Variants in SRGAP3 observed in about 807,000 individuals in gnomAD.
The protein encoded by SRGAP3 is SLIT-ROBO Rho GTPase activating protein 3.
Under a neutral mutation model 121.1 loss-of-function variants are expected in SRGAP3, and 39 were observed. That is an observed-to-expected ratio of 0.32 (90% CI 0.25 to 0.42). SRGAP3 has a LOEUF of 0.42. Ranked by LOEUF, SRGAP3 falls within the 10% of genes least tolerant of loss-of-function variation. The pLI, the probability that SRGAP3 is intolerant of heterozygous loss-of-function variation, is 1.00. For synonymous variants in SRGAP3, 601 were observed against 570.0 expected (o/e 1.05, Z -0.77); for missense variants, 1,213 against 1,470.6 (o/e 0.82, Z 2.86).
chr3:9,302,758 G>A (rs1955085707), intron 3 of SRGAP3, among the ~76,000 whole-genome samples: 1 of 152,132 alleles, frequency 6.6e-6, no homozygotes, highest in South Asian at 2.1e-4. Context: ...GGGGAAGAGC[G>A]CCACCTGGCG....
chr3:9,313,981 A>G (rs954854500), intron 3 of SRGAP3, among the ~76,000 whole-genome samples: 5 of 152,248 alleles, frequency 3.3e-5, no homozygotes, highest in African/African-American at 1.2e-4. Flanking sequence ...TGACAGAGTG[A>G]GACTCCGTCT....
At chr3:9,017,708 T>C (rs143448855) in intron 14 of SRGAP3, among the ~76,000 whole-genome samples, 2,010 of 152,286 alleles carry the variant, frequency 0.013, 25 homozygotes, top group Middle Eastern at 0.031. Flanking sequence ...ATAGAAACCA[T>C]TGAAATGCAT....
intron 1 of SRGAP3, among the ~76,000 whole-genome samples, chr3:9,126,081 C>T (rs1217176474): frequency 6.6e-6 from 1 of 152,168 alleles, no homozygotes; most frequent in Non-Finnish European, 1.5e-5. Flanking sequence ...CTCTGGGGTA[C>T]ACAAAGACAC....
In SRGAP3 at chr3:8,994,446, C is replaced by A. The variant is rs765411701; in HGVS notation, c.2305G>T (p.Ala769Ser). 1 of 1,614,212 alleles carries A rather than the reference C, an allele frequency of 6.2e-7. No individual in the cohort carries two copies. The highest frequency in any genetic ancestry group is 8.5e-7 in the Non-Finnish European group (1 of 1,180,048). ...SPRELSFKKGASLLLYHRASE... is the reference protein window; with the variant it reads ...SPRELSFKKGSSLLLYHRASE... ...GCGCGGTGGTACAGGAGCAGCGAGG[C>A]CCCCTTCTTGAAGGATAGCTCACGC... The change falls in exon 19 of 22, where the codon GCC becomes TCC. Residue 769 changes from alanine to serine, a missense_variant. Transcript: ENST00000383836.
intron 1 of SRGAP3, among the ~76,000 whole-genome samples, chr3:9,146,275 G>A (rs995683142): frequency 5.3e-5 from 8 of 152,194 alleles, no homozygotes; most frequent in African/African-American, 1.9e-4. Flanking sequence ...CATCTCAAAT[G>A]CAAAGGTTCT....
chr3:9,273,114 ATTAG>A (rs1478417656), intron 3 of SRGAP3, among the ~76,000 whole-genome samples: 1 of 152,156 alleles, frequency 6.6e-6, no homozygotes, highest in East Asian at 1.9e-4. Flanking sequence ...ATCATCAGGT[ATTAG>A]TTAGATTCTG....
intron 1 of SRGAP3, among the ~76,000 whole-genome samples, chr3:9,131,626 G>C (rs1324695649): frequency 6.6e-6 from 1 of 151,836 alleles, no homozygotes; most frequent in Non-Finnish European, 1.5e-5. Context: ...ATTTTTAGTA[G>C]AAACGGGGTT....
chr3:9,284,832 CAAA>C lies in SRGAP3; in HGVS notation n.442+41175_442+41177del, dbSNP rs368751790. Among the ~76,000 whole-genome samples, 155 of 111,430 alleles carry C rather than the reference CAAA, an allele frequency of 1.4e-3. 3 individuals carry two copies. Among genetic ancestry groups the C allele is most frequent in the African/African-American group, 5.0e-3 (143 of 28,758 alleles). The allele number at this position is 111,430 out of a possible 152,430, so 73.1% of individuals were successfully genotyped here. On this transcript the variant is annotated intron_variant and non_coding_transcript_variant, in intron 3 of 3. Transcript: ENST00000490889. Reference sequence around the variant, plus strand: ...TGGGCAATAGAATGAGAGTCTGCCTCAAAAAAAAAAAAAAAAAAAATGGGTCTG... The same window carrying C: ...TGGGCAATAGAATGAGAGTCTGCCTCAAAAAAAAAAAAAAAAATGGGTCTG...
At chr3:9,065,708 T>C (rs1428934974) in intron 4 of SRGAP3, among the ~76,000 whole-genome samples, 2 of 152,262 alleles carry the variant, frequency 1.3e-5, no homozygotes, top group Non-Finnish European at 2.9e-5. Flanking sequence ...ATTGTATGGC[T>C]ATGCCACAAT....
intron 3 of SRGAP3, among the ~76,000 whole-genome samples, chr3:9,259,495 G>T (rs1954208113): frequency 6.6e-6 from 1 of 152,104 alleles, no homozygotes; most frequent in African/African-American, 2.4e-5. Flanking sequence ...TGTAGAGATG[G>T]TGGTGGTCTC....
At chr3:9,356,648 C>T (rs963191985) in intron 1 of SRGAP3, among the ~76,000 whole-genome samples, 6 of 152,072 alleles carry the variant, frequency 3.9e-5, no homozygotes, top group Non-Finnish European at 5.9e-5. Context: ...GCTAGGATTA[C>T]AGGCGTGAGC....
upstream of SRGAP3, among the ~76,000 whole-genome samples, chr3:9,252,309 T>TC (rs1954036064): frequency 6.6e-6 from 1 of 152,080 alleles, no homozygotes; most frequent in African/African-American, 2.4e-5. Context: ...CTTTTTTTTT[T>TC]CTCAAGATGG....
chr3:9,088,453 G>A (rs1369692622), intron 3 of SRGAP3, among the ~76,000 whole-genome samples: 1 of 152,190 alleles, frequency 6.6e-6, no homozygotes, highest in African/African-American at 2.4e-5. Flanking sequence ...TTTGCCTGTA[G>A]CTAAAGCCAG....
intron 18 of SRGAP3, among the ~76,000 whole-genome samples, chr3:8,994,889 C>T (rs1323643901): frequency 6.6e-6 from 1 of 152,090 alleles, no homozygotes; most frequent in Non-Finnish European, 1.5e-5. Context: ...TTCTATGCAC[C>T]CTTTTCCTCT....
At chr3:9,324,467 C>T (rs1955484101) in intron 3 of SRGAP3, among the ~76,000 whole-genome samples, 1 of 151,888 alleles carries the variant, frequency 6.6e-6, no homozygotes, top group Non-Finnish European at 1.5e-5. Flanking sequence ...GAAGCTACCT[C>T]CCTATGCTGG....
chr3:9,069,523 G>A (rs1388655713), intron 4 of SRGAP3, among the ~76,000 whole-genome samples: 1 of 152,186 alleles, frequency 6.6e-6, no homozygotes, highest in East Asian at 1.9e-4. Flanking sequence ...GTCTAGGGAA[G>A]GACTTCGTAG....
chr3:9,325,743 G>C (rs1318351927), intron 3 of SRGAP3, among the ~76,000 whole-genome samples: 3 of 151,800 alleles, frequency 2.0e-5, no homozygotes, highest in African/African-American at 7.3e-5. Flanking sequence ...ACCTACATTG[G>C]GCCTTCATCT....
In SRGAP3 at chr3:9,314,851, G is replaced by C. The variant is rs1195146655; in HGVS notation, n.442+11159C>G. ...TGGGCAGAGGCCAGGGAGGGGACCT[G>C]GCACTGGAGCCCGGGTTCTGATAAC... is the stretch of plus-strand genomic sequence containing the variant. On this transcript the variant is annotated intron_variant and non_coding_transcript_variant, in intron 3 of 3. Coordinates refer to the SRGAP3 transcript ENST00000490889. 2.6e-5 allele frequency among the ~76,000 whole-genome samples: 4 copies of C among 152,180 alleles called. No individual in the cohort carries two copies. The East Asian group carries it at 7.7e-4, about 29-fold the overall frequency.
At chr3:9,032,943 C>T (rs1343237337) in intron 11 of SRGAP3, among the ~76,000 whole-genome samples, 191 bp from the exon 12 acceptor site, 4 of 151,970 alleles carry the variant, frequency 2.6e-5, no homozygotes, top group African/African-American at 9.7e-5. Flanking sequence ...CCTTAATTTA[C>T]CCACAATGCC....
Sources: allele counts gnomAD v4.1 joint callset (sites outside exome capture counted in the v4.1 genomes callset), GRCh38; gene constraint gnomAD v4.1.1; transcripts MANE v1.5; gene names NCBI Gene and HGNC (gene_info 2026-07-23, HGNC 2026-07-21).